NCAN: variants seen among roughly 807,000 people sequenced by gnomAD.
NCAN encodes the protein neurocan core protein.
A neutral mutation model predicts 121.8 loss-of-function variants in NCAN; 47 were observed. The observed-to-expected ratio is 0.39, with a 90% CI of 0.31 to 0.49. The LOEUF is 0.49. Ranked by LOEUF, NCAN falls within the 20% of genes least tolerant of loss-of-function variation. The pLI, the probability that NCAN is intolerant of heterozygous loss-of-function variation, is 0.92. For synonymous variants in NCAN, 633 were observed against 702.0 expected (o/e 0.90, Z 1.55); for missense variants, 1,517 against 1,773.4 (o/e 0.86, Z 2.60).
chr19:19,220,934 A>G (rs1374196171), intron 3 of NCAN, among the ~76,000 whole-genome samples: 3 of 151,710 alleles, frequency 2.0e-5, no homozygotes, highest in Non-Finnish European at 2.9e-5. Context: ...CAAACAAACA[A>G]AAAACAAAAA....
At chr19:19,249,628 A>C in intron 14 of NCAN, 138 bp from the exon 15 acceptor site, 1 of 1,346,030 alleles carries the variant, frequency 7.4e-7, no homozygotes, top group Non-Finnish European at 1.0e-6. Flanking sequence ...TGGCCTCCCA[A>C]AGTGCTGGGA....
rs750859324 is a variant in NCAN, at chr19:19,227,418, C to G, written c.1798C>G (p.Pro600Ala). The G allele has an allele frequency of 9.2e-5, 149 of 1,613,590 alleles. No individual in the cohort carries two copies. Among genetic ancestry groups the G allele is most frequent in the Admixed American group, 1.8e-4 (11 of 59,980 alleles). Residue 600 changes from proline (P) to alanine (A), a missense_variant, in exon 8 of 15, where the codon CCA becomes GCA. Pro to Ala is a conservative substitution (Grantham distance 27). Coordinates refer to ENST00000252575, the MANE Select transcript of NCAN (RefSeq NM_004386.3). This position sits in a 1 kb window ranked among gnomAD's most constrained non-coding sequence, Gnocchi z 4.2. ...AEGPSARPAT[P>A]DLFWSPLEAT... ...GGGCCCCAGTGCCAGGCCAGCCACC[C>G]CAGACCTGTTTTGGTCCCCCTTGGA...
At chr19:19,246,186 T>A (rs1171463071) in intron 13 of NCAN, among the ~76,000 whole-genome samples, 1 of 149,702 alleles carries the variant, frequency 6.7e-6, no homozygotes, top group Admixed American at 6.6e-5. Flanking sequence ...TACAGGCGTA[T>A]GCCACCACGC....
At chr19:19,220,647 C>T (rs1017967137) in intron 3 of NCAN, among the ~76,000 whole-genome samples, 30 of 151,782 alleles carry the variant, frequency 2.0e-4, no homozygotes, top group African/African-American at 5.8e-4. Flanking sequence ...TTAGTAGAGA[C>T]GGGGTTTCAC....
intron 3 of NCAN, among the ~76,000 whole-genome samples, chr19:19,222,234 G>C (rs2060819370): frequency 6.6e-6 from 1 of 152,182 alleles, no homozygotes; most frequent in South Asian, 2.1e-4. Context: ...GGTGAGGCAA[G>C]TGAATTCCAC....
At chr19:19,219,672 C>CAAAAAAA (rs56231208) in intron 3 of NCAN, among the ~76,000 whole-genome samples, 2,061 of 46,758 alleles carry the variant, frequency 0.044, 226 homozygotes, top group African/African-American at 0.11. Context: ...GACCCTGTCA[C>CAAAAAAA]AAAAAAAAAA....
rs369336303 is a variant in NCAN, at chr19:19,235,471, T to C, written c.3250+375T>C. Among the ~76,000 whole-genome samples the C allele has an allele frequency of 1.3e-4, 20 of 150,890 alleles. No individual in the cohort carries two copies. The East Asian group carries it at 3.5e-3, about 27-fold the overall frequency. On this transcript the variant is annotated intron_variant, in intron 10 of 14. Transcript: ENST00000252575. ...TTTTTTAGTAGAGATGGGGTTTTGCTATGTTGGCCGGGCTGGTCTTGAACT... is the reference window on the plus strand; with the variant it reads ...TTTTTTAGTAGAGATGGGGTTTTGCCATGTTGGCCGGGCTGGTCTTGAACT...
Position 19,249,858 on chromosome 19 carries a change from C to T in NCAN, c.3913C>T (p.His1305Tyr), listed in dbSNP as rs777456080. 2 of 1,614,012 alleles carry T rather than the reference C, an allele frequency of 1.2e-6. No homozygotes were observed. Among genetic ancestry groups the T allele is most frequent in the African/African-American group, 1.3e-5 (1 of 74,912 alleles). ...CAAATCCCGCAAGGAGCGCAGAAAA[C>T]ACAAGAAACACCCAACGGAGGACTG... ...HHKSRKERRKHKKHPTEDWEK... is the reference protein window; with the variant it reads ...HHKSRKERRKYKKHPTEDWEK... The change falls in exon 15 of 15, where the codon CAC (histidine) becomes TAC (tyrosine). Residue 1305 changes from histidine to tyrosine, a missense_variant. Physicochemically the swap from His to Tyr is moderately conservative, Grantham distance 83. Coordinates refer to ENST00000252575, the MANE Select transcript of NCAN (RefSeq NM_004386.3).
In NCAN at chr19:19,228,127, C is replaced by T. The variant is rs147714647; in HGVS notation, c.2507C>T (p.Ala836Val). 1.8e-4 allele frequency: 283 copies of T among 1,613,680 alleles called. No individual in the cohort carries two copies. In the African/African-American group the frequency reaches 3.4e-3, roughly 19 times the overall value. The change falls in exon 8 of 15, where the codon GCC becomes GTC. Residue 836 changes from alanine (A) to valine (V), a missense_variant. Ala to Val is a moderately conservative substitution (Grantham distance 64). Transcript: ENST00000252575. ...CCCATGGATTCCACAGTCACGCCGGCCCCCAGTGATGCTAGTGGAATTTGG... is the reference window on the plus strand; with the variant it reads ...CCCATGGATTCCACAGTCACGCCGGTCCCCAGTGATGCTAGTGGAATTTGG... The part of the protein sequence containing the change: ...VNPMDSTVTP[A>V]PSDASGIWEP...
intron 12 of NCAN, 73 bp downstream of exon 12, chr19:19,240,758 T>C: frequency 6.7e-7 from 1 of 1,483,884 alleles, no homozygotes; most frequent in Non-Finnish European, 9.4e-7. Flanking sequence ...GTTTACCCTT[T>C]TGTGCAAAGT....
intron 1 of NCAN, among the ~76,000 whole-genome samples, chr19:19,215,862 T>G (rs999523875): frequency 1.3e-5 from 2 of 152,168 alleles, no homozygotes; most frequent in Non-Finnish European, 2.9e-5. Flanking sequence ...TGAAAAATGG[T>G]ATTTCAGTCT....
At chr19:19,244,938 C>T (rs2060918909) in intron 12 of NCAN, among the ~76,000 whole-genome samples, 1 of 151,900 alleles carries the variant, frequency 6.6e-6, no homozygotes, top group Non-Finnish European at 1.5e-5. Context: ...TCTTGAACTC[C>T]TGACCTCAGG....
At chr19:19,247,502 C>T (rs1428461212) in intron 13 of NCAN, among the ~76,000 whole-genome samples, 1 of 152,074 alleles carries the variant, frequency 6.6e-6, no homozygotes, top group African/African-American at 2.4e-5. Context: ...ATCCGCCTGC[C>T]TCGGCCTCCC....
rs373204798 is a variant in NCAN, at chr19:19,245,567, G to A, written c.3637+110G>A. 1.6e-5 allele frequency: 21 copies of A among 1,313,164 alleles called. No homozygotes were observed. In the Middle Eastern group the frequency reaches 5.9e-4, roughly 37 times the overall value. The allele number at this position is 1,313,164 out of a possible 1,614,324, so 81.3% of individuals were successfully genotyped here. ...ATCATGGCTCATCACAGCCTCCACC[G>A]CCTGGGTTCAAGCCATCCTCCTGCC... On this transcript the variant is annotated intron_variant, in intron 13 of 14. Transcript: ENST00000252575.
At chr19:19,243,511 A>G (rs1394695913) in intron 12 of NCAN, among the ~76,000 whole-genome samples, 34 of 134,870 alleles carry the variant, frequency 2.5e-4, no homozygotes, top group Non-Finnish European at 3.6e-4. Context: ...GAGAGACTCC[A>G]TCTCAAAAAA....
At chr19:19,241,847 T>G (rs907914061) in intron 12 of NCAN, among the ~76,000 whole-genome samples, 1 of 152,006 alleles carries the variant, frequency 6.6e-6, no homozygotes, top group Admixed American at 6.6e-5. Flanking sequence ...CTAGATGATA[T>G]ATATTTTATT....
Position 19,218,908 on chromosome 19 carries a change from A to G in NCAN, c.74-7A>G. 4.7e-6 allele frequency: 7 copies of G among 1,481,956 alleles called. No individual in the cohort carries two copies. Among genetic ancestry groups the G allele is most frequent in the Non-Finnish European group, 6.3e-6 (7 of 1,113,138 alleles). The allele number at this position is 1,481,956 out of a possible 1,614,324, so 91.8% of individuals were successfully genotyped here. ...ATCAGGCCCTCTCTCCACCTTCTCC[A>G]ACCCAGGCACACAGGATATCACCGA... On this transcript the variant is annotated splice_polypyrimidine_tract_variant and splice_region_variant and intron_variant, in intron 2 of 14. Transcript: ENST00000252575.
chr19:19,242,792 G>GTCCCATC (rs2060908755), intron 12 of NCAN, among the ~76,000 whole-genome samples: 1 of 152,138 alleles, frequency 6.6e-6, no homozygotes, highest in South Asian at 2.1e-4. Context: ...ACAGATGAAG[G>GTCCCATC]AAGAGACAAA....
chr19:19,242,288 C>T (rs939234643), intron 12 of NCAN, among the ~76,000 whole-genome samples: 1 of 152,082 alleles, frequency 6.6e-6, no homozygotes, highest in East Asian at 1.9e-4. Flanking sequence ...TTTGGGGAGG[C>T]CAAAGTAGGA....
Sources: allele counts gnomAD v4.1 joint callset (sites outside exome capture counted in the v4.1 genomes callset), GRCh38; gene constraint gnomAD v4.1.1; non-coding constraint Gnocchi (gnomAD v3.1); transcripts MANE v1.5; gene names NCBI Gene and HGNC (gene_info 2026-07-23, HGNC 2026-07-21).